Variants in DCDC2 observed in about 807,000 individuals in gnomAD.
DCDC2 encodes the protein doublecortin domain containing 2.
DCDC2 carries 40 observed loss-of-function variants against 50.2 expected under a neutral mutation model. That is an observed-to-expected ratio of 0.80 (90% CI 0.62 to 1.04). The LOEUF is 1.04. Among genes scored for constraint, DCDC2 ranks in the 50% least tolerant of loss-of-function variants. The probability of loss-of-function intolerance (pLI) is 0.00; values close to 1 mark genes in which losing one functional copy is unlikely to be tolerated. For missense variants in DCDC2, 570 were observed against 581.9 expected (o/e 0.98, Z 0.21); for synonymous variants, 234 against 210.6 (o/e 1.11, Z -0.96).
intron 7 of DCDC2, among the ~76,000 whole-genome samples, chr6:24,227,986 A>ACCT (rs2113780738): frequency 6.6e-6 from 1 of 152,142 alleles, no homozygotes; most frequent in South Asian, 2.1e-4. Flanking sequence ...AAAGCCTGCC[A>ACCT]CCTCCTTCCT....
rs1760815840 is a variant in DCDC2 at position 24,172,958 on chromosome 6, C to A, written c.*1772G>T. The A allele has an allele frequency of 6.7e-6, 1 of 148,612 alleles. No homozygotes were observed. The highest frequency in any genetic ancestry group is 2.2e-4 in the South Asian group (1 of 4,618). The allele number at this position is 148,612 out of a possible 1,614,324, so 9.2% of individuals were successfully genotyped here. A position where few individuals can be genotyped will look rare whatever the true frequency, so the allele number is the denominator to read the frequency against. ...CCAAGATCATGCCACTGCACCCAGC[C>A]TGGGCGACAAGAGCAAGACTTCATC... On this transcript the variant is annotated 3_prime_UTR_variant, in exon 10 of 10. Transcript: ENST00000378454.
intron 8 of DCDC2, among the ~76,000 whole-genome samples, chr6:24,193,982 T>C (rs1293959403): frequency 6.6e-6 from 1 of 152,126 alleles, no homozygotes; most frequent in East Asian, 1.9e-4. Flanking sequence ...AATAAAAGAA[T>C]TTTTTAAATT....
At position 24,199,956 on chromosome 6, in the gene DCDC2, A is replaced by G. The variant is rs192570796; in HGVS notation, c.1023+5046T>C. ...TACTGAAATAAAGCGTGAAGACAAG[A>G]TTAGAGAAAAAATAATGAAAAGGAA... is the stretch of plus-strand genomic sequence containing the variant. On this transcript the variant is annotated intron_variant, in intron 8 of 9. Coordinates refer to ENST00000378454, the MANE Select transcript of DCDC2 (RefSeq NM_016356.5). 5.3e-5 allele frequency among the ~76,000 whole-genome samples: 8 copies of G among 152,308 alleles called. No homozygotes were observed. The East Asian group carries it at 1.5e-3, about 29-fold the overall frequency.
At chr6:24,258,175 C>CA (rs777957864) in intron 7 of DCDC2, among the ~76,000 whole-genome samples, 8 of 152,064 alleles carry the variant, frequency 5.3e-5, no homozygotes, top group Non-Finnish European at 8.8e-5. Context: ...GGTGCGGACC[C>CA]AAAGAGGGAG....
At chr6:24,358,936 T>TATATATATTACATA (rs1561788593), upstream of DCDC2, among the ~76,000 whole-genome samples, 1 of 16,990 alleles carries the variant, frequency 5.9e-5, no homozygotes, top group East Asian at 3.7e-3. Flanking sequence ...TATTATATAT[T>TATATATATTACATA]TTATATATTA....
chr6:24,186,217 C>T (rs1322707904), intron 8 of DCDC2, among the ~76,000 whole-genome samples: 2 of 152,200 alleles, frequency 1.3e-5, no homozygotes, highest in Non-Finnish European at 2.9e-5. Flanking sequence ...ACTCTATCTT[C>T]CATTGGAATG....
intron 2 of DCDC2, among the ~76,000 whole-genome samples, chr6:24,343,586 C>T (rs917878045): frequency 6.6e-6 from 1 of 152,172 alleles, no homozygotes; most frequent in African/African-American, 2.4e-5. Context: ...GATTTTCTCA[C>T]AAGTGCACAA....
At chr6:24,204,588 C>T (rs778174849) in intron 8 of DCDC2, among the ~76,000 whole-genome samples, 1 of 152,102 alleles carries the variant, frequency 6.6e-6, no homozygotes, top group African/African-American at 2.4e-5. Flanking sequence ...TGTAACAAAC[C>T]TGCACGTTCT....
intron 8 of DCDC2, among the ~76,000 whole-genome samples, chr6:24,185,688 T>TACACACACACACAC (rs35379687): frequency 6.9e-5 from 10 of 144,388 alleles, no homozygotes; most frequent in Non-Finnish European, 4.6e-5. Flanking sequence ...TCCATACACA[T>TACACACACACACAC]ACACACACAC....
At chr6:24,209,916 C>A (rs780929645) in intron 7 of DCDC2, among the ~76,000 whole-genome samples, 2 of 152,052 alleles carry the variant, frequency 1.3e-5, no homozygotes, top group South Asian at 2.1e-4. Flanking sequence ...TATAACAGCA[C>A]CCCAGAGAGA....
At chr6:24,290,682 A>G (rs767813119) in intron 5 of DCDC2, among the ~76,000 whole-genome samples, 17 of 149,218 alleles carry the variant, frequency 1.1e-4, no homozygotes, top group Admixed American at 4.0e-4. Context: ...ATTTACTTAT[A>G]AATTTCATGC....
At position 24,326,593 on chromosome 6, in the gene DCDC2, T is replaced by C. The variant is rs1759872684; in HGVS notation, c.349-24549A>G. On this transcript the variant is annotated intron_variant, in intron 2 of 9. Transcript: ENST00000378454. Reference sequence around the variant, plus strand: ...TGTATGATGAGCGGGCATGGAGGCTTATGCCTATAACCCAGCACTTTGGGA... The same window carrying C: ...TGTATGATGAGCGGGCATGGAGGCTCATGCCTATAACCCAGCACTTTGGGA... Among the ~76,000 whole-genome samples the C allele has an allele frequency of 1.3e-5, 2 of 149,188 alleles. 1 individual carries two copies.
chr6:24,248,183 T>C (rs1298678640), intron 7 of DCDC2, among the ~76,000 whole-genome samples: 1 of 152,222 alleles, frequency 6.6e-6, no homozygotes, highest in African/African-American at 2.4e-5. Flanking sequence ...CTAAAATTGT[T>C]GTGGGCATTA....
chr6:24,205,022 C>G lies in DCDC2; in HGVS notation c.1003G>C (p.Val335Leu). 6.2e-7 allele frequency: 1 copy of G among 1,613,952 alleles called. No individual in the cohort carries two copies. The highest frequency in any genetic ancestry group is 1.1e-5 in the South Asian group (1 of 91,048). Residue 335 changes from valine to leucine, a missense_variant, in exon 8 of 10, where the codon GTT becomes CTT. Transcript: ENST00000378454. ...AEVQEDEDTQ[V>L]EVPVDQRPAE... ...ATTACCTGATCGACTGGAACCTCAA[C>G]CTGAGTATCTTCATCTTCTTGGACT...
chr6:24,199,571 G>A (rs1173191520), intron 8 of DCDC2, among the ~76,000 whole-genome samples: 1 of 152,128 alleles, frequency 6.6e-6, no homozygotes, highest in African/African-American at 2.4e-5. Context: ...CAGTAAAAAA[G>A]GCTGAAAATT....
intron 2 of DCDC2, among the ~76,000 whole-genome samples, chr6:24,344,797 C>A (rs1248371907): frequency 2.0e-5 from 3 of 152,172 alleles, no homozygotes; most frequent in Non-Finnish European, 4.4e-5. Context: ...AGCAGTTGTT[C>A]TTTAGCAGAA....
chr6:24,276,250 C>A (rs1763355108), intron 7 of DCDC2, among the ~76,000 whole-genome samples: 1 of 152,040 alleles, frequency 6.6e-6, no homozygotes, highest in South Asian at 2.1e-4. Context: ...CAAGTTTTTA[C>A]AAATGAGATA....
intron 7 of DCDC2, among the ~76,000 whole-genome samples, chr6:24,211,825 G>T (rs62403461): frequency 0.045 from 6,781 of 152,276 alleles, 164 homozygotes; most frequent in African/African-American, 0.057. Context: ...CTCCAGAACT[G>T]TAAGATAATA....
In DCDC2 at chr6:24,178,532, T is replaced by C. The variant is rs1760977678; in HGVS notation, c.1124A>G (p.Glu375Gly). ...DFSGMNGDLE[E>G]EGGREATDAP... ...ATCTGTAGCCTCCCTACCTCCTTCC[T>C]CTTCAAGGTCACCATTCATTCCTGA... is the stretch of plus-strand genomic sequence containing the variant. Residue 375 changes from glutamate (E) to glycine (G), a missense_variant, in exon 9 of 10, where the codon GAG (glutamate) becomes GGG (glycine). Coordinates refer to ENST00000378454, the MANE Select transcript of DCDC2 (RefSeq NM_016356.5). The C allele has an allele frequency of 1.2e-6, 2 of 1,614,040 alleles. No homozygotes were observed. The highest frequency in any genetic ancestry group is 1.7e-6 in the Non-Finnish European group (2 of 1,180,034).
Sources: gnomAD v4.1 joint callset for allele counts (sites outside exome capture counted in the v4.1 genomes callset) on GRCh38, gnomAD v4.1.1 for gene constraint, MANE v1.5 for transcripts, NCBI Gene and HGNC (gene_info 2026-07-23, HGNC 2026-07-21) for gene names.